The following PDCD10 variants were observed in gnomAD, a reference collection of about 807,000 sequenced individuals.
PDCD10 encodes the protein programmed cell death 10, also known as programmed cell death protein 10.
In PDCD10, 4 loss-of-function variants were observed where a neutral mutation model predicts 29.2. The ratio of observed to expected loss-of-function variants is 0.14; its 90% CI spans 0.07 to 0.31. The LOEUF (loss-of-function observed/expected upper bound fraction) is 0.31, where lower values mean the gene tolerates loss of function less well. PDCD10 is among the 10% of genes least tolerant of loss of function. The probability of loss-of-function intolerance (pLI) is 1.00; values close to 1 mark genes in which losing one functional copy is unlikely to be tolerated. For synonymous variants in PDCD10, 70 were observed against 82.2 expected (o/e 0.85, Z 0.80); for missense variants, 183 against 257.9 (o/e 0.71, Z 1.99).
chr3:167,722,886 T>C (rs1295423399), intron 2 of PDCD10, among the ~76,000 whole-genome samples: 2 of 152,242 alleles, frequency 1.3e-5, no homozygotes, highest in Admixed American at 6.5e-5. Flanking sequence ...TTAATATTTT[T>C]AAAACTCATG....
intron 2 of PDCD10, among the ~76,000 whole-genome samples, chr3:167,734,008 TA>T (rs1725100868): frequency 1.3e-5 from 2 of 152,204 alleles, no homozygotes; most frequent in Non-Finnish European, 2.9e-5. Context: ...ATATACTATA[TA>T]AAATACATTT....
At chr3:167,700,863 A>G (rs950185176) in intron 4 of PDCD10, among the ~76,000 whole-genome samples, 1 of 152,222 alleles carries the variant, frequency 6.6e-6, no homozygotes, top group African/African-American at 2.4e-5. Context: ...GAGGAAAAAA[A>G]TATCTGCCTG....
chr3:167,715,627 AG>A (rs768593336), intron 3 of PDCD10, among the ~76,000 whole-genome samples: 4 of 152,130 alleles, frequency 2.6e-5, no homozygotes, highest in Non-Finnish European at 5.9e-5. Context: ...CCTCAAAAGA[AG>A]ACATACAAAT....
chr3:167,685,539 AG>A (rs1719527691), intron 8 of PDCD10, among the ~76,000 whole-genome samples: 1 of 152,210 alleles, frequency 6.6e-6, no homozygotes, highest in Admixed American at 6.5e-5. Context: ...ATAAAACTCA[AG>A]CACATTATTG....
At chr3:167,702,624 T>A (rs909316999) in intron 4 of PDCD10, among the ~76,000 whole-genome samples, 1 of 152,164 alleles carries the variant, frequency 6.6e-6, no homozygotes, top group South Asian at 2.1e-4. Flanking sequence ...AATGGTATTA[T>A]CTTGGGAAAA....
intron 2 of PDCD10, among the ~76,000 whole-genome samples, chr3:167,728,621 A>C (rs765934883): frequency 6.6e-6 from 1 of 152,248 alleles, no homozygotes; most frequent in Non-Finnish European, 1.5e-5. Flanking sequence ...TTAGTATATT[A>C]GAAAGACTAA....
At chr3:167,696,288 A>G (rs906829132) in intron 5 of PDCD10, among the ~76,000 whole-genome samples, 28 of 152,182 alleles carry the variant, frequency 1.8e-4, no homozygotes, top group African/African-American at 5.6e-4. Context: ...CAGAACACCA[A>G]TTTTGGAAAG....
chr3:167,695,059 C>T (rs990338993), intron 6 of PDCD10, among the ~76,000 whole-genome samples: 2 of 152,162 alleles, frequency 1.3e-5, no homozygotes, highest in African/African-American at 4.8e-5. Flanking sequence ...AAGAGTGTCC[C>T]TGGTCTGAGA....
intron 2 of PDCD10, among the ~76,000 whole-genome samples, chr3:167,722,279 G>T (rs1723647649): frequency 6.6e-6 from 1 of 152,022 alleles, no homozygotes; most frequent in South Asian, 2.1e-4. Flanking sequence ...TATTTCAATG[G>T]TCACAAAGAG....
chr3:167,690,012 A>C (rs1475362096), intron 6 of PDCD10, among the ~76,000 whole-genome samples: 1 of 152,188 alleles, frequency 6.6e-6, no homozygotes, highest in Non-Finnish European at 1.5e-5. Context: ...AAATACCAGG[A>C]CAAAAAAACC....
chr3:167,722,570 C>A (rs188268242), intron 2 of PDCD10, among the ~76,000 whole-genome samples: 1 of 152,052 alleles, frequency 6.6e-6, no homozygotes, highest in Non-Finnish European at 1.5e-5. Context: ...CTTCAAAGAG[C>A]GGAGTACTTA....
intron 2 of PDCD10, among the ~76,000 whole-genome samples, chr3:167,731,183 G>A (rs1249112469): frequency 2.0e-5 from 3 of 152,054 alleles, no homozygotes; most frequent in Admixed American, 2.0e-4. Context: ...CTACCTAGAG[G>A]AAATAAAGGT....
intron 2 of PDCD10, among the ~76,000 whole-genome samples, chr3:167,730,020 T>C (rs1724633420): frequency 6.6e-6 from 1 of 152,092 alleles, no homozygotes; most frequent in Admixed American, 6.5e-5. Flanking sequence ...TAACCAAAAA[T>C]GTAAGGGTGA....
chr3:167,701,585 T>A (rs1721439604), intron 4 of PDCD10, among the ~76,000 whole-genome samples: 1 of 152,182 alleles, frequency 6.6e-6, no homozygotes, highest in East Asian at 1.9e-4. Flanking sequence ...CTGAAAGGCA[T>A]CAAAGTGGCC....
In PDCD10 at chr3:167,697,004, G is replaced by A. The variant is rs894107678; in HGVS notation, c.268+5C>T. The stretch of plus-strand genomic sequence containing the variant: ...TAACTTAAACAAGGTTCTTCTGTCC[G>A]TTACCTTCTACATCATCAGCTGCCA... On this transcript the variant is annotated splice_donor_5th_base_variant and intron_variant, in intron 5 of 8. Coordinates refer to ENST00000392750, the MANE Select transcript of PDCD10 (RefSeq NM_007217.4). 4.2e-6 allele frequency: 6 copies of A among 1,413,224 alleles called. No homozygotes were observed. Among genetic ancestry groups the A allele is most frequent in the African/African-American group, 1.4e-5 (1 of 70,920 alleles). 87.5% of individuals were successfully genotyped at this position (1,413,224 alleles called of 1,614,324 possible).
At chr3:167,685,856 T>C (rs535294923) in intron 8 of PDCD10, among the ~76,000 whole-genome samples, 5 of 152,310 alleles carry the variant, frequency 3.3e-5, no homozygotes, top group African/African-American at 1.2e-4. Flanking sequence ...GCATTTCCCT[T>C]AGACAAACCT....
intron 6 of PDCD10, among the ~76,000 whole-genome samples, chr3:167,693,443 G>C (rs901259129): frequency 1.3e-5 from 2 of 152,160 alleles, no homozygotes; most frequent in Non-Finnish European, 2.9e-5. Flanking sequence ...TTGATAAGCT[G>C]TCACATACGT....
chr3:167,701,418 G>C (rs1721418544), intron 4 of PDCD10, among the ~76,000 whole-genome samples: 1 of 152,120 alleles, frequency 6.6e-6, no homozygotes, highest in Non-Finnish European at 1.5e-5. Flanking sequence ...GGCTGGTCTT[G>C]AACTTCTGGC....
chr3:167,693,183 T>C (rs1028543743), intron 6 of PDCD10, among the ~76,000 whole-genome samples: 1 of 152,234 alleles, frequency 6.6e-6, no homozygotes, highest in Non-Finnish European at 1.5e-5. Context: ...CATTTCTCAA[T>C]GTGAATGACA....
Sources: gnomAD v4.1 joint callset for allele counts (sites outside exome capture counted in the v4.1 genomes callset) on GRCh38, gnomAD v4.1.1 for gene constraint, MANE v1.5 for transcripts, NCBI Gene and HGNC (gene_info 2026-07-23, HGNC 2026-07-21) for gene names.